Variants in INTS8 observed in about 807,000 individuals in gnomAD.
INTS8 encodes the protein integrator complex subunit 8.
A neutral mutation model predicts 138.9 loss-of-function variants in INTS8; 47 were observed. The observed-to-expected ratio is 0.34, with a 90% CI of 0.27 to 0.43. The LOEUF (loss-of-function observed/expected upper bound fraction) is 0.43, where lower values mean the gene tolerates loss of function less well. INTS8 is among the 20% of genes least tolerant of loss of function. INTS8 has a pLI of 1.00. For missense variants in INTS8, 996 were observed against 1,173.0 expected (o/e 0.85, Z 2.20); for synonymous variants, 392 against 400.9 (o/e 0.98, Z 0.27).
intron 23 of INTS8, 101 bp downstream of exon 23, chr8:94,874,703 CAA>C: frequency 1.5e-6 from 1 of 679,998 alleles, no homozygotes; most frequent in South Asian, 1.8e-5. Flanking sequence ...TTTTCCATAT[CAA>C]AATCACTTAG....
In INTS8 at chr8:94,876,248, C is replaced by G; in HGVS notation, c.2790C>G (p.Asp930Glu). The G allele has an allele frequency of 6.2e-7, 1 of 1,612,472 alleles. No individual in the cohort carries two copies. Among genetic ancestry groups the G allele is most frequent in the Non-Finnish European group, 8.5e-7 (1 of 1,178,952 alleles). ...ATGATGCTATGGACTCCTACTACGA[C>G]TACATATGGGATGTTACCATTTTGG... ...NSHDAMDSYY[D>E]YIWDVTILEY... The change falls in exon 25 of 27, where the codon GAC (aspartate) becomes GAG (glutamate). Residue 930 changes from aspartate to glutamate, a missense_variant. Transcript: ENST00000523731.
chr8:94,871,743 T>C (rs1268627888), intron 20 of INTS8, 141 bp from the exon 21 acceptor site: 3 of 597,350 alleles, frequency 5.0e-6, no homozygotes, highest in Non-Finnish European at 8.8e-6. Context: ...ATAGTTCTTA[T>C]AATACATTTA....
intron 5 of INTS8, 142 bp from the exon 6 acceptor site, chr8:94,831,849 CA>C: frequency 3.7e-6 from 2 of 537,736 alleles, no homozygotes; most frequent in Non-Finnish European, 3.1e-6. Flanking sequence ...AACTTTATTT[CA>C]ACAAATGTAA....
chr8:94,874,319 A>T (rs1004227846), intron 22 of INTS8, among the ~76,000 whole-genome samples: 3 of 152,016 alleles, frequency 2.0e-5, no homozygotes, highest in Admixed American at 1.3e-4. Flanking sequence ...ATGATATTTT[A>T]AAAATACTTA....
intron 10 of INTS8, among the ~76,000 whole-genome samples, chr8:94,844,277 T>G (rs1321281531): frequency 1.3e-5 from 2 of 151,120 alleles, no homozygotes; most frequent in Non-Finnish European, 3.0e-5. Flanking sequence ...GACCTCAGGT[T>G]ATCTGCCTGC....
rs563657635 is a variant in INTS8, at chr8:94,881,590, C to A, written c.*1356C>A. The A allele has an allele frequency of 1.4e-5, 23 of 1,603,858 alleles. 1 individual carries two copies. The South Asian group carries it at 2.1e-4, about 15-fold the overall frequency. On this transcript the variant is annotated 3_prime_UTR_variant, in exon 27 of 27. Transcript: ENST00000523731. ...AGTAGTTCAGTGATACCAGTTCTAC[C>A]CAATCTTGGTGAATTCCAACTTGTT...
At chr8:94,845,365 G>T (rs1471676307) in intron 10 of INTS8, among the ~76,000 whole-genome samples, 1 of 151,990 alleles carries the variant, frequency 6.6e-6, no homozygotes, top group East Asian at 1.9e-4. Flanking sequence ...ACATGTATGG[G>T]CCTGTTTCTG....
At chr8:94,836,686 T>A in intron 7 of INTS8, 55 bp downstream of exon 7, 1 of 1,059,208 alleles carries the variant, frequency 9.4e-7, no homozygotes, top group South Asian at 1.4e-5. Context: ...CATCTATACA[T>A]TTTTTTGGCT....
chr8:94,828,849 A>C, intron 4 of INTS8, 126 bp from the exon 5 acceptor site: 1 of 661,058 alleles, frequency 1.5e-6, no homozygotes, highest in Non-Finnish European at 2.7e-6. Flanking sequence ...TCAAACATGA[A>C]AATGAATAAC....
chr8:94,873,541 T>C, intron 22 of INTS8, 64 bp downstream of exon 22: 1 of 1,049,064 alleles, frequency 9.5e-7, no homozygotes, highest in Non-Finnish European at 1.5e-6. Context: ...CTGGGTCCCC[T>C]TTTGGCTGAA....
chr8:94,849,432 T>TA (rs1459802427), intron 10 of INTS8, 30 bp from the exon 11 acceptor site: 9 of 1,032,148 alleles, frequency 8.7e-6, no homozygotes, highest in Non-Finnish European at 1.3e-5. Context: ...TAAGTACCCA[T>TA]ATTCAAATGA....
intron 17 of INTS8, among the ~76,000 whole-genome samples, chr8:94,865,928 A>G (rs777710636): frequency 6.6e-5 from 10 of 152,194 alleles, no homozygotes; most frequent in Non-Finnish European, 1.3e-4. Context: ...CATTTAATCA[A>G]CTGGAATTCA....
At chr8:94,841,225 A>G (rs1443389962) in intron 8 of INTS8, among the ~76,000 whole-genome samples, 1 of 152,064 alleles carries the variant, frequency 6.6e-6, no homozygotes, top group Non-Finnish European at 1.5e-5. Context: ...ATTTTTTTCT[A>G]ATAACATAGC....
Position 94,838,624 on chromosome 8 carries a change from G to GT in INTS8, c.1017+7dup. ...TGAGATCTGGCAACTATCAGGTAAG[G>GT]TGTATGAGGGGGATGCAGTGAAGTT... On this transcript the variant is annotated splice_region_variant and intron_variant, in intron 8 of 26. Transcript: ENST00000523731. 2 of 1,601,920 alleles carry GT rather than the reference G, an allele frequency of 1.2e-6. No homozygotes were observed. Among genetic ancestry groups the GT allele is most frequent in the Non-Finnish European group, 1.7e-6 (2 of 1,170,442 alleles).
Position 94,827,275 on chromosome 8 carries a change from A to G in INTS8, c.318A>G (p.Pro106=), listed in dbSNP as rs1814544918. Residue 106 remains proline (P), a synonymous_variant, in exon 3 of 27, where the codon CCA becomes CCG. Transcript: ENST00000523731. The part of the protein sequence containing the change: ...LDILEKSLSV[P]VLNMLLNELL... Reference sequence around the variant, plus strand: ...TTGCTTCTTCAAGTTTGTCTGTTCCAGTATTGAATATGCTACTAAATGAAC... The same window carrying G: ...TTGCTTCTTCAAGTTTGTCTGTTCCGGTATTGAATATGCTACTAAATGAAC... 4 of 1,613,386 alleles carry G rather than the reference A, an allele frequency of 2.5e-6. No homozygotes were observed. The South Asian group carries it at 4.4e-5, about 18-fold the overall frequency.
chr8:94,835,774 A>G (rs928845916), intron 6 of INTS8, among the ~76,000 whole-genome samples: 3 of 152,078 alleles, frequency 2.0e-5, no homozygotes, highest in African/African-American at 7.2e-5. Flanking sequence ...TAATTTTTGT[A>G]TTTTTAGTAG....
chr8:94,859,376 AG>A lies in INTS8; in HGVS notation c.1955-134del, dbSNP rs1262249881. 1.7e-5 allele frequency: 13 copies of A among 764,380 alleles called. No individual in the cohort carries two copies. The African/African-American group carries it at 2.3e-4, about 13-fold the overall frequency. 47.3% of individuals were successfully genotyped at this position (764,380 alleles called of 1,614,324 possible). A position where few individuals can be genotyped will look rare whatever the true frequency, so the allele number is the denominator to read the frequency against. On this transcript the variant is annotated intron_variant, in intron 15 of 26. Coordinates refer to ENST00000523731, the MANE Select transcript of INTS8 (RefSeq NM_017864.4). ...TGATCCTCCTGCCTTGGCCTCCCAA[AG>A]TGTTGGGATTACAGGTGTGAGCCAC...
rs1225562673 is a variant in INTS8 at position 94,880,298 on chromosome 8, G to A, written c.*64G>A. 8 of 851,878 alleles carry A rather than the reference G, an allele frequency of 9.4e-6. No individual in the cohort carries two copies. Among genetic ancestry groups the A allele is most frequent in the Non-Finnish European group, 1.5e-5 (8 of 533,414 alleles). 52.8% of individuals were successfully genotyped at this position (851,878 alleles called of 1,614,324 possible). Reference sequence around the variant, plus strand: ...GGCTAAAAATAAACAGTATTAAAAGGTTAAGTTTATATAATACATATGTAC... The same window carrying A: ...GGCTAAAAATAAACAGTATTAAAAGATTAAGTTTATATAATACATATGTAC... On this transcript the variant is annotated 3_prime_UTR_variant, in exon 27 of 27. Transcript: ENST00000523731.
rs1815117454 is a variant in INTS8, at chr8:94,841,059, A to C, written c.1018-432A>C. ...TCTCCAGTAGCTGGGATTACATGCA[A>C]GTGCCATGATACCCGGCTAATTTTT... On this transcript the variant is annotated intron_variant, in intron 8 of 26. Transcript: ENST00000523731. Among the ~76,000 whole-genome samples the C allele has an allele frequency of 2.0e-5, 3 of 151,510 alleles. No homozygotes were observed. The South Asian group carries it at 6.3e-4, about 32-fold the overall frequency.
Sources: gnomAD v4.1 joint callset for allele counts (sites outside exome capture counted in the v4.1 genomes callset) on GRCh38, gnomAD v4.1.1 for gene constraint, MANE v1.5 for transcripts, NCBI Gene and HGNC (gene_info 2026-07-23, HGNC 2026-07-21) for gene names.